Variants in RARB observed in about 807,000 individuals in gnomAD.
The protein encoded by RARB is HBV-activated protein.
In RARB, 17 loss-of-function variants were observed where a neutral mutation model predicts 51.9. The observed-to-expected ratio is 0.33, with a 90% CI of 0.22 to 0.49. The LOEUF (loss-of-function observed/expected upper bound fraction) is 0.49. Ranked by LOEUF, RARB falls within the 20% of genes least tolerant of loss-of-function variation. The pLI is 0.99. For missense variants in RARB, 369 were observed against 550.8 expected (o/e 0.67, Z 3.30); for synonymous variants, 215 against 195.4 (o/e 1.10, Z -0.84).
intron 2 of RARB, among the ~76,000 whole-genome samples, chr3:24,879,304 C>T (rs913508352): frequency 6.6e-6 from 1 of 152,002 alleles, no homozygotes; most frequent in African/African-American, 2.4e-5. Context: ...TGGCGGGCGC[C>T]TGTAGTCCCA....
chr3:25,246,902 C>G (rs773740939), intron 5 of RARB, among the ~76,000 whole-genome samples: 1 of 152,226 alleles, frequency 6.6e-6, no homozygotes, highest in Non-Finnish European at 1.5e-5. Flanking sequence ...ACGTTTAAGT[C>G]TGCTGGAGCT....
At chr3:24,925,011 C>G (rs1575074711) in intron 2 of RARB, among the ~76,000 whole-genome samples, 1 of 152,102 alleles carries the variant, frequency 6.6e-6, no homozygotes, top group African/African-American at 2.4e-5. Context: ...ACCACTGTTC[C>G]CTGCCCCTTC....
intron 2 of RARB, among the ~76,000 whole-genome samples, chr3:24,971,182 A>G (rs559603441): frequency 9.2e-5 from 14 of 152,094 alleles, no homozygotes; most frequent in Non-Finnish European, 4.4e-5. Context: ...TAACATGCCA[A>G]TTGTCTCCAT....
chr3:25,000,819 C>A (rs1347899879), intron 2 of RARB, among the ~76,000 whole-genome samples: 1 of 152,104 alleles, frequency 6.6e-6, no homozygotes, highest in African/African-American at 2.4e-5. Flanking sequence ...AGCTTACTTA[C>A]AAAAGTGTAA....
chr3:24,910,438 T>C (rs1384723720), intron 2 of RARB, among the ~76,000 whole-genome samples: 1 of 152,224 alleles, frequency 6.6e-6, no homozygotes, highest in Non-Finnish European at 1.5e-5. Context: ...ATGACATGTT[T>C]TGATAAATAT....
intron 3 of RARB, among the ~76,000 whole-genome samples, chr3:25,512,292 C>G (rs1343211585): frequency 1.3e-5 from 2 of 152,156 alleles, no homozygotes; most frequent in East Asian, 3.9e-4. Flanking sequence ...ACCCAGTGGT[C>G]CCTTTACTCA....
chr3:25,198,139 T>C (rs1701293415), intron 5 of RARB, among the ~76,000 whole-genome samples: 2 of 152,092 alleles, frequency 1.3e-5, no homozygotes, highest in Non-Finnish European at 2.9e-5. Context: ...AGTGAAATCA[T>C]ATTCAGCAAA....
intron 2 of RARB, among the ~76,000 whole-genome samples, chr3:24,954,944 G>A (rs1247987130): frequency 6.6e-6 from 1 of 152,104 alleles, no homozygotes; most frequent in African/African-American, 2.4e-5. Context: ...ATCTAGGGGT[G>A]TGTTACAGAT....
chr3:24,863,279 C>T (rs929912835), intron 2 of RARB, among the ~76,000 whole-genome samples: 3 of 152,152 alleles, frequency 2.0e-5, no homozygotes, highest in East Asian at 1.9e-4. Context: ...ATGAACCAAC[C>T]GAGCTAACCA....
rs1575496134 is a variant in RARB, at chr3:25,535,611, C to G, written c.449-34147C>G. On this transcript the variant is annotated intron_variant, in intron 3 of 7. Coordinates refer to ENST00000330688, the MANE Select transcript of RARB (RefSeq NM_000965.5). ...GTGTGTGATGTTCCCTTCCCTGTGT[C>G]CATGTGTTCTCATTGTTCAACTCCC... Among the ~76,000 whole-genome samples, 3 of 152,118 alleles carry G rather than the reference C, an allele frequency of 2.0e-5. No homozygotes were observed. In the Middle Eastern group the frequency reaches 0.01, roughly 517 times the overall value.
At chr3:24,855,966 G>A (rs924356082) in intron 1 of RARB, among the ~76,000 whole-genome samples, 1 of 151,942 alleles carries the variant, frequency 6.6e-6, no homozygotes, top group Non-Finnish European at 1.5e-5. Flanking sequence ...TAGCCAGGAT[G>A]GTCTCAATCT....
chr3:25,573,431 A>C (rs1334686421), intron 4 of RARB, among the ~76,000 whole-genome samples: 3 of 152,128 alleles, frequency 2.0e-5, no homozygotes, highest in African/African-American at 7.2e-5. Context: ...AAAAACAGAA[A>C]CACGATTTTA....
At chr3:25,203,410 T>C (rs1701448010) in intron 5 of RARB, among the ~76,000 whole-genome samples, 1 of 152,218 alleles carries the variant, frequency 6.6e-6, no homozygotes, top group Non-Finnish European at 1.5e-5. Context: ...GTCTTTTAAT[T>C]GGAGCATTTA....
intron 3 of RARB, among the ~76,000 whole-genome samples, chr3:25,505,589 T>C (rs1336231435): frequency 6.6e-6 from 1 of 151,912 alleles, no homozygotes; most frequent in Non-Finnish European, 1.5e-5. Flanking sequence ...GTATACCTTG[T>C]ATTTTCCAAG....
chr3:25,360,549 G>A (rs191607431), intron 5 of RARB, among the ~76,000 whole-genome samples: 33 of 152,292 alleles, frequency 2.2e-4, no homozygotes, highest in African/African-American at 7.0e-4. Context: ...CCCATTACTT[G>A]ATGCGGTTTC....
At chr3:24,913,681 C>T (rs1658287609) in intron 2 of RARB, among the ~76,000 whole-genome samples, 1 of 152,114 alleles carries the variant, frequency 6.6e-6, no homozygotes, top group African/African-American at 2.4e-5. Context: ...TGATAACACT[C>T]ATCTGAGTCT....
intron 5 of RARB, among the ~76,000 whole-genome samples, chr3:25,355,291 G>A (rs923753359): frequency 6.6e-6 from 1 of 152,002 alleles, no homozygotes; most frequent in South Asian, 2.1e-4. Flanking sequence ...AGGTTTGGGC[G>A]TGTTTTTTGT....
chr3:25,095,293 A>T (rs192205542), intron 3 of RARB, among the ~76,000 whole-genome samples: 263 of 152,316 alleles, frequency 1.7e-3, no homozygotes, highest in African/African-American at 5.9e-3. Flanking sequence ...CTCTTTCAAG[A>T]GAATAGGTTT....
At chr3:24,981,762 C>G (rs1445062444) in intron 2 of RARB, among the ~76,000 whole-genome samples, 5 of 152,204 alleles carry the variant, frequency 3.3e-5, no homozygotes, top group African/African-American at 9.6e-5. Context: ...ATTCCCTGTT[C>G]TGCTTCAGCT....
Sources: gnomAD v4.1 joint callset for allele counts (sites outside exome capture counted in the v4.1 genomes callset) on GRCh38, gnomAD v4.1.1 for gene constraint, MANE v1.5 for transcripts, NCBI Gene and HGNC (gene_info 2026-07-23, HGNC 2026-07-21) for gene names.